Variants in COL5A2 observed in about 807,000 individuals in gnomAD.
COL5A2 encodes collagen type V alpha 2 chain.
In COL5A2, 23 loss-of-function variants were observed where a neutral mutation model predicts 208.2. The ratio of observed to expected loss-of-function variants is 0.11; its 90% CI spans 0.08 to 0.16. COL5A2 has a LOEUF of 0.16. Ranked by LOEUF, COL5A2 falls within the 10% of genes least tolerant of loss-of-function variation. The pLI is 1.00. For missense variants in COL5A2, 1,590 were observed against 1,956.4 expected, an observed-to-expected ratio of 0.81 and a Z score of 3.53; for synonymous variants, 625 against 628.5, an observed-to-expected ratio of 0.99 and a Z score of 0.08.
At chr2:189,304,257 A>G in the COL5A2 span, among the ~76,000 whole-genome samples, 1 of 152,172 alleles carries the variant, frequency 6.6e-6, no homozygotes, top group Admixed American at 6.5e-5. Context: ...CTTTATTTCC[A>G]TTTTTCCAAT....
intron 1 of COL5A2, among the ~76,000 whole-genome samples, chr2:189,212,398 G>A (rs925908259): frequency 2.0e-5 from 3 of 152,120 alleles, no homozygotes; most frequent in Admixed American, 2.0e-4. Context: ...AGCACTTTGG[G>A]AGGCAGAGGT....
chr2:189,041,593 C>G lies in COL5A2; in HGVS notation c.3626G>C (p.Gly1209Ala), dbSNP rs1178267385. The part of the protein sequence containing the change: ...PGVRGSVGEA[G>A]PEGPPGEPGP... ...AAACCTTTGTGACTTTACCTCAGGT[C>G]CTGCTTCTCCTACACTGCCTCGTAC... Residue 1209 changes from glycine (G) to alanine (A), a missense_variant, in exon 50 of 54, where the codon GGA becomes GCA. Coordinates refer to ENST00000374866, the MANE Select transcript of COL5A2 (RefSeq NM_000393.5). 1 of 1,612,012 alleles carries G rather than the reference C, an allele frequency of 6.2e-7. No homozygotes were observed. The highest frequency in any genetic ancestry group is 1.7e-5 in the Admixed American group (1 of 60,008).
chr2:189,422,520 C>T, the COL5A2 span, among the ~76,000 whole-genome samples: 2 of 152,122 alleles, frequency 1.3e-5, no homozygotes, highest in African/African-American at 4.8e-5. Context: ...AGTCAGAAAG[C>T]ATAGTATTTA....
At chr2:189,190,996 T>G (rs946898591) in intron 1 of COL5A2, among the ~76,000 whole-genome samples, 3 of 151,684 alleles carry the variant, frequency 2.0e-5, no homozygotes, top group African/African-American at 7.3e-5. Flanking sequence ...CACAGAACAA[T>G]AATAGGAGAA....
chr2:189,126,644 T>A (rs546143336), intron 1 of COL5A2, among the ~76,000 whole-genome samples: 1 of 152,044 alleles, frequency 6.6e-6, no homozygotes, highest in Non-Finnish European at 1.5e-5. Flanking sequence ...GGTAGCATTA[T>A]AATAATAAAA....
intron 1 of COL5A2, among the ~76,000 whole-genome samples, chr2:189,218,353 AGAG>A (rs1689304970): frequency 6.6e-6 from 1 of 152,162 alleles, no homozygotes; most frequent in Non-Finnish European, 1.5e-5. Flanking sequence ...GTGAACACAG[AGAG>A]GAGAAGACCA....
At chr2:189,280,103 TG>T in the COL5A2 span, among the ~76,000 whole-genome samples, 1 of 152,174 alleles carries the variant, frequency 6.6e-6, no homozygotes. Context: ...TTTGGTTCCA[TG>T]CTCTTGTACT....
the COL5A2 span, among the ~76,000 whole-genome samples, chr2:189,279,850 T>C: frequency 6.6e-6 from 1 of 152,150 alleles, no homozygotes; most frequent in African/African-American, 2.4e-5. Flanking sequence ...TGAAAACTAC[T>C]ATAAACTGAA....
At chr2:189,039,171 T>C in intron 51 of COL5A2, 101 bp downstream of exon 51, 1 of 1,383,348 alleles carries the variant, frequency 7.2e-7, no homozygotes, top group East Asian at 2.3e-5. Context: ...TTATCTCAAA[T>C]CTATCACTAA....
intron 1 of COL5A2, among the ~76,000 whole-genome samples, chr2:189,175,838 C>G (rs1688668060): frequency 6.6e-6 from 1 of 152,168 alleles, no homozygotes; most frequent in African/African-American, 2.4e-5. Flanking sequence ...CAGGCATGAG[C>G]CACTGCGCCT....
intron 1 of COL5A2, among the ~76,000 whole-genome samples, chr2:189,167,481 T>C (rs752770531): frequency 2.0e-5 from 3 of 152,150 alleles, no homozygotes; most frequent in Admixed American, 6.6e-5. Context: ...TATAAGGAAA[T>C]ATTTCTAGGC....
intron 17 of COL5A2, among the ~76,000 whole-genome samples, chr2:189,073,699 C>A (rs1686335253): frequency 6.6e-6 from 1 of 152,134 alleles, no homozygotes; most frequent in African/African-American, 2.4e-5. Context: ...TTCTAGATAT[C>A]ATTACATCTT....
intron 1 of COL5A2, among the ~76,000 whole-genome samples, chr2:189,192,021 G>A (rs1305645647): frequency 6.6e-6 from 1 of 152,062 alleles, no homozygotes; most frequent in African/African-American, 2.4e-5. Flanking sequence ...ACATAGATTT[G>A]AATTCTGCTT....
chr2:189,155,899 C>T (rs1688237046), intron 1 of COL5A2, among the ~76,000 whole-genome samples: 1 of 152,146 alleles, frequency 6.6e-6, no homozygotes, highest in African/African-American at 2.4e-5. Flanking sequence ...TCTTTTCCAG[C>T]TTCTAGAGGC....
the COL5A2 span, chr2:189,311,346 G>A: frequency 1.0e-6 from 1 of 982,066 alleles, no homozygotes; most frequent in South Asian, 1.3e-5. Context: ...TGGATGGTTT[G>A]CATGGAGTTG....
intron 1 of COL5A2, among the ~76,000 whole-genome samples, chr2:189,153,279 T>C (rs1393455907): frequency 6.6e-6 from 1 of 152,206 alleles, no homozygotes; most frequent in African/African-American, 2.4e-5. Context: ...AGAAACCTAT[T>C]CTTGCATGCT....
At chr2:189,327,061 A>G in the COL5A2 span, among the ~76,000 whole-genome samples, 1 of 150,268 alleles carries the variant, frequency 6.7e-6, no homozygotes, top group Non-Finnish European at 1.5e-5. Context: ...ACAGAGCAAG[A>G]TTCTGTCTCG....
chr2:189,121,833 A>G (rs1414218439), intron 1 of COL5A2, among the ~76,000 whole-genome samples: 1 of 149,314 alleles, frequency 6.7e-6, no homozygotes, highest in Non-Finnish European at 1.5e-5. Context: ...GTGTTTTGAC[A>G]TTTTAGGAAG....
At chr2:189,355,516 T>TC in the COL5A2 span, among the ~76,000 whole-genome samples, 129,840 of 152,064 alleles carry the variant, frequency 0.85, 56,601 homozygotes, top group Non-Finnish European at 0.95. Context: ...GTTGAATTGA[T>TC]CCTTTACCAT....
Sources: gnomAD v4.1 joint callset for allele counts (sites outside exome capture counted in the v4.1 genomes callset) on GRCh38, gnomAD v4.1.1 for gene constraint, MANE v1.5 for transcripts, NCBI Gene and HGNC (gene_info 2026-07-23, HGNC 2026-07-21) for gene names.